PGM3: variants seen among roughly 807,000 people sequenced by gnomAD.
PGM3 encodes phosphoglucomutase 3.
In PGM3, 40 loss-of-function variants were observed where a neutral mutation model predicts 66.2. That is an observed-to-expected ratio of 0.60 (90% CI 0.47 to 0.79). The LOEUF (loss-of-function observed/expected upper bound fraction) is 0.79. PGM3 is among the 30% of genes least tolerant of loss of function. The pLI is 0.00. For synonymous variants in PGM3, 191 were observed against 224.2 expected (o/e 0.85, Z 1.32); for missense variants, 537 against 643.4 (o/e 0.83, Z 1.79).
the PGM3 span, among the ~76,000 whole-genome samples, chr6:83,151,330 A>G: frequency 4.6e-5 from 7 of 151,964 alleles, no homozygotes; most frequent in Non-Finnish European, 1.0e-4. Flanking sequence ...ACATTCCACA[A>G]TTTATCTTTT....
downstream of PGM3, chr6:83,163,060 A>C: frequency 1.1e-6 from 1 of 877,210 alleles, no homozygotes; most frequent in Non-Finnish European, 1.7e-6. Flanking sequence ...TTGAGAGTTA[A>C]TGTCCATAAG....
intron 1 of PGM3, among the ~76,000 whole-genome samples, chr6:83,192,072 CTGACCAACA>C (rs1299918485): frequency 6.6e-6 from 1 of 151,950 alleles, no homozygotes. Context: ...CAAGACCAGC[CTGACCAACA>C]TGGTGAGACC....
At chr6:83,151,608 T>C in the PGM3 span, 1 of 1,608,390 alleles carries the variant, frequency 6.2e-7, no homozygotes, top group South Asian at 1.1e-5. Context: ...TGAATGAGTT[T>C]ATTATGAAAA....
the PGM3 span, chr6:83,153,598 G>T: frequency 6.2e-7 from 1 of 1,602,568 alleles, no homozygotes; most frequent in South Asian, 1.1e-5. Context: ...GCATTATGTT[G>T]TGCCCTACCT....
chr6:83,167,991 A>C lies in PGM3; in HGVS notation c.*1243T>G. ...CTTCAATGTGCTCAGTCAAGTCTTC[A>C]ACAGCAAAGTCACAAGCCGATGTGG... On this transcript the variant is annotated 3_prime_UTR_variant, in exon 13 of 13. Transcript: ENST00000513973. 6.2e-7 allele frequency: 1 copy of C among 1,614,172 alleles called. No homozygotes were observed. Among genetic ancestry groups the C allele is most frequent in the Non-Finnish European group, 8.5e-7 (1 of 1,180,018 alleles).
the PGM3 span, among the ~76,000 whole-genome samples, chr6:83,154,520 T>A: frequency 1.4e-4 from 21 of 152,216 alleles, no homozygotes; most frequent in Non-Finnish European, 2.8e-4. Flanking sequence ...AATTTGAATC[T>A]AAATTATTTC....
chr6:83,164,416 C>G (rs1784943814), downstream of PGM3, among the ~76,000 whole-genome samples: 2 of 151,786 alleles, frequency 1.3e-5, no homozygotes, highest in South Asian at 4.2e-4. Context: ...AAATATGACC[C>G]CAGGCACATG....
chr6:83,153,352 G>T, the PGM3 span: 1 of 467,636 alleles, frequency 2.1e-6, no homozygotes. Context: ...AAAGCAGATG[G>T]TGGCAAAACT....
At chr6:83,169,772 G>T in intron 12 of PGM3, 1 of 457,712 alleles carries the variant, frequency 2.2e-6, no homozygotes, top group Non-Finnish European at 4.4e-6. Flanking sequence ...CTTTGCCCTG[G>T]CTTTGCACAC....
the PGM3 span, chr6:83,154,252 C>T: frequency 7.1e-5 from 115 of 1,610,382 alleles, no homozygotes; most frequent in Non-Finnish European, 9.0e-5. Context: ...GTGAGTATTA[C>T]GGGATGACAA....
rs547766737 is a variant in PGM3, at chr6:83,172,163, G to C, written c.1243-104C>G. On this transcript the variant is annotated intron_variant, in intron 10 of 12. Coordinates refer to ENST00000513973, the MANE Select transcript of PGM3 (RefSeq NM_015599.3). ...AATCACAGTACAGGTTGAACAACCT[G>C]AATCTGAAACATGCTGAGTGCCAAA... The C allele has an allele frequency of 3.4e-4, 391 of 1,156,712 alleles. 4 individuals are homozygous for C. In the South Asian group the frequency reaches 5.3e-3, roughly 16 times the overall value. 71.7% of individuals were successfully genotyped at this position (1,156,712 alleles called of 1,614,324 possible). A position where few individuals can be genotyped will look rare whatever the true frequency, so the allele number is the denominator to read the frequency against.
chr6:83,169,176 T>G lies in PGM3; in HGVS notation c.*58A>C. 3 of 1,602,142 alleles carry G rather than the reference T, an allele frequency of 1.9e-6. No homozygotes were observed. The South Asian group carries it at 3.3e-5, about 18-fold the overall frequency. On this transcript the variant is annotated 3_prime_UTR_variant, in exon 13 of 13. Coordinates refer to ENST00000513973, the MANE Select transcript of PGM3 (RefSeq NM_015599.3). ...AATCTCTTAGTACTGCCATTATTAT[T>G]GACAGTTTTGTAAAGACTTGTAAAA...
At chr6:83,172,330 A>C (rs1459935786) in intron 10 of PGM3, among the ~76,000 whole-genome samples, 2 of 152,144 alleles carry the variant, frequency 1.3e-5, no homozygotes, top group African/African-American at 4.8e-5. Context: ...TGAAGCTAGG[A>C]GTTTGAGGCT....
Position 83,167,249 on chromosome 6 carries a change from T to G in PGM3, c.*1985A>C. 1.0e-6 allele frequency: 1 copy of G among 978,180 alleles called. No homozygotes were observed. The highest frequency in any genetic ancestry group is 1.2e-6 in the Non-Finnish European group (1 of 823,308). The allele number at this position is 978,180 out of a possible 1,614,324, so 60.6% of individuals were successfully genotyped here. ...AGCCAGCACACTAACTCAATTCCTT[T>G]GACTCCAGGTCCAGCTTTCCTCCCT... On this transcript the variant is annotated 3_prime_UTR_variant, in exon 13 of 13. Coordinates refer to ENST00000513973, the MANE Select transcript of PGM3 (RefSeq NM_015599.3).
chr6:83,155,528 A>G, the PGM3 span, among the ~76,000 whole-genome samples: 1 of 152,104 alleles, frequency 6.6e-6, no homozygotes, highest in Non-Finnish European at 1.5e-5. Context: ...TGAGAGAATG[A>G]CAAGCAAGAC....
chr6:83,186,234 T>C (rs991917393), intron 4 of PGM3, among the ~76,000 whole-genome samples: 7 of 152,040 alleles, frequency 4.6e-5, no homozygotes, highest in Admixed American at 4.6e-4. Flanking sequence ...ACAATGCAGA[T>C]GGATGTCAGG....
At chr6:83,164,478 C>G (rs1392140462), downstream of PGM3, among the ~76,000 whole-genome samples, 1 of 151,852 alleles carries the variant, frequency 6.6e-6, no homozygotes, top group Non-Finnish European at 1.5e-5. Context: ...TTTATAAGAC[C>G]CCCCTCCTTT....
At chr6:83,190,607 T>C in intron 2 of PGM3, 1 of 585,152 alleles carries the variant, frequency 1.7e-6, no homozygotes, top group Admixed American at 3.1e-5. Flanking sequence ...GACAGTATCT[T>C]TTCATTCTTT....
Position 83,166,530 on chromosome 6 carries a change from A to T in PGM3, c.*2704T>A. The T allele has an allele frequency of 1.5e-6, 1 of 661,666 alleles. No individual in the cohort carries two copies. The highest frequency in any genetic ancestry group is 2.6e-6 in the Non-Finnish European group (1 of 378,996). 41.0% of individuals were successfully genotyped at this position (661,666 alleles called of 1,614,324 possible). On this transcript the variant is annotated 3_prime_UTR_variant, in exon 13 of 13. Coordinates refer to ENST00000513973, the MANE Select transcript of PGM3 (RefSeq NM_015599.3). ...TCTAACATCATTTCCATAGTCTAAA[A>T]TAAATATAAACAGCAATAAGTCATT...
Sources: gnomAD v4.1 joint callset for allele counts (sites outside exome capture counted in the v4.1 genomes callset) on GRCh38, gnomAD v4.1.1 for gene constraint, MANE v1.5 for transcripts, NCBI Gene and HGNC (gene_info 2026-07-23, HGNC 2026-07-21) for gene names.